The following FGD5 variants were observed in gnomAD, a reference collection of about 807,000 sequenced individuals.
FGD5 encodes the protein FYVE, RhoGEF and PH domain containing 5.
A neutral mutation model predicts 133.4 loss-of-function variants in FGD5; 28 were observed. That is an observed-to-expected ratio of 0.21 (90% CI 0.16 to 0.29). FGD5 has a LOEUF of 0.29. Ranked by LOEUF, FGD5 falls within the 10% of genes least tolerant of loss-of-function variation. The probability of loss-of-function intolerance (pLI) is 1.00; values close to 1 mark genes in which losing one functional copy is unlikely to be tolerated. For synonymous variants in FGD5, 810 were observed against 776.5 expected, an observed-to-expected ratio of 1.04 and a Z score of -0.72; for missense variants, 1,858 against 1,895.2, an observed-to-expected ratio of 0.98 and a Z score of 0.36.
chr3:14,827,481 A>G lies in FGD5; in HGVS notation c.2525+5885A>G, dbSNP rs541327385. 2.0e-5 allele frequency among the ~76,000 whole-genome samples: 3 copies of G among 151,562 alleles called. No individual in the cohort carries two copies. The East Asian group carries it at 5.8e-4, about 29-fold the overall frequency. Reference sequence around the variant, plus strand: ...TATTTTTTAGTAGAGACTGGGTTTCACCATATTAGCCAGGATGTTTTCTGG... The same window carrying G: ...TATTTTTTAGTAGAGACTGGGTTTCGCCATATTAGCCAGGATGTTTTCTGG... On this transcript the variant is annotated intron_variant, in intron 1 of 19. Transcript: ENST00000285046.
intron 1 of FGD5, among the ~76,000 whole-genome samples, chr3:14,813,663 C>G (rs1575182345): frequency 6.6e-6 from 1 of 152,088 alleles, no homozygotes; most frequent in South Asian, 2.1e-4. Flanking sequence ...GGTCCCGTCC[C>G]CTCACTCTGC....
chr3:14,881,368 C>T (rs947523963), intron 4 of FGD5, among the ~76,000 whole-genome samples: 5 of 152,172 alleles, frequency 3.3e-5, no homozygotes, highest in African/African-American at 9.7e-5. Flanking sequence ...CAGTTCAGTT[C>T]AGCAGACATT....
chr3:14,864,875 C>T (rs1414078405), intron 2 of FGD5, among the ~76,000 whole-genome samples: 2 of 152,222 alleles, frequency 1.3e-5, no homozygotes, highest in African/African-American at 2.4e-5. Context: ...CATGGTGAGC[C>T]GGCCTTCACC....
intron 1 of FGD5, among the ~76,000 whole-genome samples, chr3:14,860,396 A>G (rs1427437542): frequency 6.6e-6 from 1 of 152,206 alleles, no homozygotes; most frequent in African/African-American, 2.4e-5. Context: ...TTGTACTCAT[A>G]ATTCCTATAT....
chr3:14,909,891 G>A (rs1375158923), intron 10 of FGD5, among the ~76,000 whole-genome samples: 2 of 150,332 alleles, frequency 1.3e-5, no homozygotes, highest in African/African-American at 2.4e-5. Flanking sequence ...TCAGCCTCCC[G>A]AGTAGCTGGG....
intron 9 of FGD5, among the ~76,000 whole-genome samples, chr3:14,905,171 G>A (rs1004596125): frequency 1.3e-5 from 2 of 152,068 alleles, no homozygotes; most frequent in African/African-American, 2.4e-5. Context: ...TAGAAACCTG[G>A]ATGGACAGTT....
At chr3:14,825,830 G>A (rs1287795503) in intron 1 of FGD5, among the ~76,000 whole-genome samples, 1 of 152,082 alleles carries the variant, frequency 6.6e-6, no homozygotes, top group Non-Finnish European at 1.5e-5. Context: ...CTTCACCTCC[G>A]AATATCCTAT....
intron 1 of FGD5, among the ~76,000 whole-genome samples, chr3:14,837,631 G>A (rs1559474528): frequency 1.3e-5 from 2 of 151,792 alleles, no homozygotes; most frequent in African/African-American, 4.8e-5. Context: ...CGGAGAGGGG[G>A]ATAGGCTGCG....
chr3:14,843,644 A>G (rs538347762), intron 1 of FGD5, among the ~76,000 whole-genome samples: 1 of 144,062 alleles, frequency 6.9e-6, no homozygotes, highest in African/African-American at 2.6e-5. Context: ...GCTGGAAGGA[A>G]CCCTGGACGC....
At chr3:14,832,299 G>A (rs2036727327) in intron 1 of FGD5, among the ~76,000 whole-genome samples, 1 of 152,218 alleles carries the variant, frequency 6.6e-6, no homozygotes, top group Non-Finnish European at 1.5e-5. Flanking sequence ...CCTGCACCAG[G>A]TGTTGTCACA....
At chr3:14,900,661 C>T (rs566785041) in intron 8 of FGD5, among the ~76,000 whole-genome samples, 1 of 152,232 alleles carries the variant, frequency 6.6e-6, no homozygotes, top group African/African-American at 2.4e-5. Context: ...GTGGGGACAT[C>T]CTAGGACGGG....
chr3:14,922,109 A>G lies in FGD5; in HGVS notation c.3669+92A>G. The stretch of plus-strand genomic sequence containing the variant: ...GCTGTTGCCACTCACACCCAGATGG[A>G]CGTGTAGCTCCTGTCTTGGGGCACT... On this transcript the variant is annotated intron_variant, in intron 14 of 19. Coordinates refer to ENST00000285046, the MANE Select transcript of FGD5 (RefSeq NM_152536.4). The surrounding 1 kb of genome is among the most constrained non-coding windows in gnomAD (Gnocchi z 4.1). The G allele has an allele frequency of 7.6e-7, 1 of 1,315,464 alleles. No homozygotes were observed. Among genetic ancestry groups the G allele is most frequent in the Non-Finnish European group, 1.1e-6 (1 of 939,272 alleles). The allele number at this position is 1,315,464 out of a possible 1,614,324, so 81.5% of individuals were successfully genotyped here. A position where few individuals can be genotyped will look rare whatever the true frequency, so the allele number is the denominator to read the frequency against.
intron 9 of FGD5, among the ~76,000 whole-genome samples, chr3:14,906,794 G>A (rs1022308702): frequency 6.6e-6 from 1 of 152,196 alleles, no homozygotes; most frequent in African/African-American, 2.4e-5. Flanking sequence ...ATTCCTTTGT[G>A]GACGGGCTTG....
chr3:14,856,716 G>A (rs566591125), intron 1 of FGD5, among the ~76,000 whole-genome samples: 2 of 151,750 alleles, frequency 1.3e-5, no homozygotes, highest in Non-Finnish European at 2.9e-5. Flanking sequence ...GAAATGCTAC[G>A]GATTTTTATA....
chr3:14,932,705 A>G lies in FGD5; in HGVS notation c.4326A>G (p.Lys1442=). 1 of 1,613,968 alleles carries G rather than the reference A, an allele frequency of 6.2e-7. No individual in the cohort carries two copies. Among genetic ancestry groups the G allele is most frequent in the Non-Finnish European group, 8.5e-7 (1 of 1,179,888 alleles). The change falls in exon 19 of 20, where the codon AAA becomes AAG. Residue 1442 remains lysine (K), a synonymous_variant. Coordinates refer to ENST00000285046, the MANE Select transcript of FGD5 (RefSeq NM_152536.4). ...AGAAAACCCTATTTTATAGCTTCAA[A>G]GCAGAAGATACCAATTCAGCTCAGA... ...YHKKTLFYSF[K]AEDTNSAQRW... is the part of the protein sequence containing the mutation.
intron 1 of FGD5, among the ~76,000 whole-genome samples, chr3:14,848,363 TC>T (rs2037092541): frequency 7.0e-6 from 1 of 143,494 alleles, no homozygotes; most frequent in South Asian, 2.3e-4. Context: ...GCCATGGAAA[TC>T]TGGTCTGCTT....
At chr3:14,871,533 G>GTGC (rs1417229180) in intron 2 of FGD5, among the ~76,000 whole-genome samples, 1 of 152,214 alleles carries the variant, frequency 6.6e-6, no homozygotes, top group Non-Finnish European at 1.5e-5. Flanking sequence ...CATGCAGAGA[G>GTGC]TGCTGCATTT....
At chr3:14,878,946 T>A (rs294623) in intron 2 of FGD5, among the ~76,000 whole-genome samples, 125,840 of 152,078 alleles carry the variant, frequency 0.83, 52,328 homozygotes, top group East Asian at 0.98. Flanking sequence ...TAACCTCATG[T>A]TCCACCCGCC....
At chr3:14,905,976 G>A (rs940176954) in intron 9 of FGD5, among the ~76,000 whole-genome samples, 1 of 152,074 alleles carries the variant, frequency 6.6e-6, no homozygotes, top group Non-Finnish European at 1.5e-5. Context: ...GGGCAGTCGG[G>A]TCAGTCCAGT....
Sources: gnomAD v4.1 joint callset for allele counts (sites outside exome capture counted in the v4.1 genomes callset) on GRCh38, gnomAD v4.1.1 for gene constraint, Gnocchi (gnomAD v3.1) non-coding constraint, MANE v1.5 for transcripts, NCBI Gene and HGNC (gene_info 2026-07-23, HGNC 2026-07-21) for gene names.